EDA: variants seen among roughly 807,000 people sequenced by gnomAD.
The protein encoded by EDA is ectodysplasin A, also known as ectodysplasin-A.
A neutral mutation model predicts 23.6 loss-of-function variants in EDA; 2 were observed. The observed-to-expected ratio is 0.08, with a 90% CI of 0.03 to 0.27. The LOEUF is 0.27. Ranked by LOEUF, EDA falls within the 10% of genes least tolerant of loss-of-function variation. The pLI, the probability that EDA is intolerant of heterozygous loss-of-function variation, is 1.00. For synonymous variants in EDA, 131 were observed against 132.0 expected (o/e 0.99, Z 0.05); for missense variants, 229 against 324.2 (o/e 0.71, Z 2.26).
chrX:69,863,540 T>G (rs1461905123), intron 1 of EDA, among the ~76,000 whole-genome samples: 1 of 29,046 alleles, frequency 3.4e-5, no homozygotes, highest in Non-Finnish European at 1.1e-4. Flanking sequence ...TGTATATATA[T>G]ATATACATAT....
At chrX:69,663,027 A>C (rs1226608789) in intron 1 of EDA, among the ~76,000 whole-genome samples, 1 of 112,531 alleles carries the variant, frequency 8.9e-6, no homozygotes, top group Non-Finnish European at 1.9e-5. Context: ...TTGGAATTGG[A>C]ACTTATGTTT....
intron 1 of EDA, among the ~76,000 whole-genome samples, chrX:69,822,157 C>T (rs1018550895): frequency 2.2e-4 from 24 of 110,502 alleles, no homozygotes; most frequent in African/African-American, 7.6e-4. Flanking sequence ...TGGTGGTGCA[C>T]GCCTGTAGTC....
chrX:69,744,255 A>T (rs2013548050), intron 1 of EDA, among the ~76,000 whole-genome samples: 1 of 111,841 alleles, frequency 8.9e-6, no homozygotes, highest in East Asian at 2.8e-4. Context: ...TTTAATCATC[A>T]CAGAAACATT....
chrX:69,833,099 G>A (rs2016662400), intron 1 of EDA, among the ~76,000 whole-genome samples: 1 of 111,424 alleles, frequency 9.0e-6, no homozygotes, highest in South Asian at 3.8e-4. Context: ...GGTGAGAGAG[G>A]GCATCCCTGT....
At chrX:69,658,212 T>TTGTGTG (rs3138864) in intron 1 of EDA, among the ~76,000 whole-genome samples, 2,825 of 90,857 alleles carry the variant, frequency 0.031, 63 homozygotes, top group African/African-American at 0.06. Flanking sequence ...TCCTAGGTAT[T>TTGTGTG]TGTGTGTGTG....
chrX:69,732,307 G>C (rs145248390), intron 1 of EDA, among the ~76,000 whole-genome samples: 1 of 110,929 alleles, frequency 9.0e-6, no homozygotes, highest in Non-Finnish European at 1.9e-5. Context: ...GTGTCCAAGT[G>C]TTCTCATTTT....
intron 1 of EDA, among the ~76,000 whole-genome samples, chrX:69,793,539 A>C (rs2015461431): frequency 9.8e-6 from 1 of 102,104 alleles, no homozygotes; most frequent in Non-Finnish European, 2.0e-5. Context: ...CTAATGGTTG[A>C]ATGGAGCTTT....
At chrX:69,682,709 A>G (rs965148554) in intron 1 of EDA, among the ~76,000 whole-genome samples, 2 of 110,914 alleles carry the variant, frequency 1.8e-5, no homozygotes, top group African/African-American at 6.6e-5. Flanking sequence ...CCACTGACCT[A>G]TGCCCACTGT....
At chrX:69,776,731 A>T (rs2014797248) in intron 1 of EDA, among the ~76,000 whole-genome samples, 2 of 110,968 alleles carry the variant, frequency 1.8e-5, no homozygotes. Flanking sequence ...GCAGGAGAAG[A>T]TTTATTCTGA....
At chrX:69,909,895 G>A (rs1195343481) in intron 1 of EDA, among the ~76,000 whole-genome samples, 1 of 111,026 alleles carries the variant, frequency 9.0e-6, no homozygotes, top group African/African-American at 3.3e-5. Context: ...GTCTATAAAC[G>A]TATACAATTT....
At chrX:69,926,682 C>G (rs188645321) in intron 1 of EDA, among the ~76,000 whole-genome samples, 2 of 111,629 alleles carry the variant, frequency 1.8e-5, no homozygotes, top group African/African-American at 6.5e-5. Flanking sequence ...TCCACTTGTT[C>G]CAGAACTGAG....
intron 1 of EDA, among the ~76,000 whole-genome samples, chrX:69,951,071 C>A (rs1213787204): frequency 9.1e-5 from 9 of 98,491 alleles, no homozygotes; most frequent in Non-Finnish European, 1.6e-4. Flanking sequence ...TGCACATGGA[C>A]CCTAAAACTT....
chrX:69,968,978 T>C (rs2019211728), intron 2 of EDA, among the ~76,000 whole-genome samples: 1 of 112,457 alleles, frequency 8.9e-6, no homozygotes, highest in Non-Finnish European at 1.9e-5. Flanking sequence ...GCTTCCAGCA[T>C]GTAGCTCCTT....
chrX:69,663,809 C>T, intron 1 of EDA, among the ~76,000 whole-genome samples: 1 of 112,492 alleles, frequency 8.9e-6, no homozygotes, highest in East Asian at 2.8e-4. Context: ...CCATGGGAGC[C>T]CACCTCTTGC....
intron 1 of EDA, among the ~76,000 whole-genome samples, chrX:69,727,045 A>G (rs759111006): frequency 4.5e-5 from 5 of 111,735 alleles, no homozygotes; most frequent in East Asian, 2.8e-4. Context: ...GACTTGATGA[A>G]TGGTGAATGC....
chrX:69,828,779 T>G (rs1368281269), intron 1 of EDA, among the ~76,000 whole-genome samples: 1 of 112,747 alleles, frequency 8.9e-6, no homozygotes, highest in Admixed American at 9.4e-5. Flanking sequence ...TCAGGTTTCC[T>G]GTCATATCAT....
chrX:69,943,793 C>T (rs937124964), intron 1 of EDA, among the ~76,000 whole-genome samples: 10 of 109,903 alleles, frequency 9.1e-5, no homozygotes, highest in African/African-American at 1.7e-4. Context: ...ACAGGTCCAA[C>T]GATGCCATCC....
chrX:69,810,170 A>G (rs1179442488), intron 1 of EDA, among the ~76,000 whole-genome samples: 1 of 94,061 alleles, frequency 1.1e-5, no homozygotes, highest in Non-Finnish European at 2.0e-5. Flanking sequence ...AGGCAGGAGA[A>G]TTGCCTGAAC....
At chrX:69,744,355 A>G (rs757659867) in intron 1 of EDA, among the ~76,000 whole-genome samples, 2 of 112,003 alleles carry the variant, frequency 1.8e-5, no homozygotes, top group Non-Finnish European at 1.9e-5. Flanking sequence ...AAGGCCAGGA[A>G]CAGATGTGGA....
Sources: gnomAD v4.1 joint callset for allele counts (sites outside exome capture counted in the v4.1 genomes callset) on GRCh38, gnomAD v4.1.1 for gene constraint, MANE v1.5 for transcripts, NCBI Gene and HGNC (gene_info 2026-07-23, HGNC 2026-07-21) for gene names.